Variants in ATP8A2 observed in about 807,000 individuals in gnomAD.
ATP8A2 encodes the protein phospholipid-transporting ATPase IB.
A neutral mutation model predicts 165.6 loss-of-function variants in ATP8A2; 100 were observed. The ratio of observed to expected loss-of-function variants is 0.60; its 90% CI spans 0.51 to 0.71. The LOEUF is 0.71. Among genes scored for constraint, ATP8A2 ranks in the 30% least tolerant of loss-of-function variants. The probability of loss-of-function intolerance (pLI) is 0.00; values close to 1 mark genes in which losing one functional copy is unlikely to be tolerated. For missense variants in ATP8A2, 1,227 were observed against 1,479.5 expected (o/e 0.83, Z 2.80); for synonymous variants, 543 against 548.8 (o/e 0.99, Z 0.15).
chr13:25,638,101 A>G (rs2041418638), intron 24 of ATP8A2, among the ~76,000 whole-genome samples: 1 of 152,228 alleles, frequency 6.6e-6, no homozygotes. Context: ...CCAAAACCCC[A>G]TCTGTATGTC....
At chr13:25,775,890 C>CA (rs1229770048) in intron 27 of ATP8A2, among the ~76,000 whole-genome samples, 1 of 152,146 alleles carries the variant, frequency 6.6e-6, no homozygotes, top group African/African-American at 2.4e-5. Flanking sequence ...CTATTAATAA[C>CA]AAGTGCCTTG....
chr13:25,819,113 A>G (rs1257623304), intron 27 of ATP8A2, among the ~76,000 whole-genome samples: 2 of 152,212 alleles, frequency 1.3e-5, no homozygotes, highest in African/African-American at 4.8e-5. Flanking sequence ...TTGCACTCAT[A>G]CAAATGTATG....
Position 26,023,105 on chromosome 13 carries a change from T to C in ATP8A2, c.*3120T>C, listed in dbSNP as rs1257929935. 1.3e-5 allele frequency: 2 copies of C among 152,194 alleles called. No individual in the cohort carries two copies. The highest frequency in any genetic ancestry group is 2.9e-5 in the Non-Finnish European group (2 of 68,044). The allele number at this position is 152,194 out of a possible 1,614,324, so 9.4% of individuals were successfully genotyped here. On this transcript the variant is annotated 3_prime_UTR_variant, in exon 37 of 37. Transcript: ENST00000381655. ...AGAGCAGAGTAGTCTGGATGAATAC[T>C]CTGTGCTGATCAGAACGGGCTCGGT...
chr13:25,756,514 T>C (rs1290675741), intron 25 of ATP8A2, among the ~76,000 whole-genome samples: 1 of 152,096 alleles, frequency 6.6e-6, no homozygotes, highest in African/African-American at 2.4e-5. Context: ...ATGTGTGTTT[T>C]GAAGAAATCA....
chr13:25,592,261 C>G, intron 24 of ATP8A2, among the ~76,000 whole-genome samples: 1 of 150,372 alleles, frequency 6.7e-6, no homozygotes, highest in East Asian at 1.9e-4. Context: ...CCTTTAGTCC[C>G]TTAGACTGTA....
intron 24 of ATP8A2, among the ~76,000 whole-genome samples, chr13:25,633,919 C>T (rs142295829): frequency 5.3e-5 from 8 of 150,686 alleles, no homozygotes; most frequent in East Asian, 2.0e-4. Context: ...GAGGCTGCAG[C>T]GAGGCAAGAT....
At chr13:25,824,071 A>G (rs2138582130) in intron 27 of ATP8A2, among the ~76,000 whole-genome samples, 1 of 152,212 alleles carries the variant, frequency 6.6e-6, no homozygotes, top group East Asian at 1.9e-4. Flanking sequence ...CCCAGGTTCA[A>G]GTGATTCTCC....
At chr13:25,694,929 C>G (rs1032854314) in intron 24 of ATP8A2, among the ~76,000 whole-genome samples, 3 of 152,160 alleles carry the variant, frequency 2.0e-5, no homozygotes, top group African/African-American at 7.2e-5. Flanking sequence ...GTGATCCTCC[C>G]TCTTTGGCAA....
At chr13:25,738,006 A>G (rs1329264915) in intron 25 of ATP8A2, among the ~76,000 whole-genome samples, 1 of 152,198 alleles carries the variant, frequency 6.6e-6, no homozygotes, top group Non-Finnish European at 1.5e-5. Context: ...TCAGTTACAG[A>G]GATCAGACAA....
chr13:25,970,823 G>A (rs1384584073), intron 35 of ATP8A2, among the ~76,000 whole-genome samples: 1 of 151,724 alleles, frequency 6.6e-6, no homozygotes, highest in Non-Finnish European at 1.5e-5. Context: ...GCCCATTTTT[G>A]CTTGTTGTTG....
chr13:25,618,700 T>C (rs1359847260), intron 24 of ATP8A2, among the ~76,000 whole-genome samples: 25 of 120,362 alleles, frequency 2.1e-4, no homozygotes, highest in Admixed American at 3.5e-4. Context: ...TTTTTTTTTT[T>C]CCCAGCAAGA....
At chr13:25,468,792 G>T (rs1490131973) in intron 1 of ATP8A2, 185 bp from the exon 2 acceptor site, 2 of 978,654 alleles carry the variant, frequency 2.0e-6, no homozygotes, top group East Asian at 1.1e-4. Context: ...GGGCGGGGCC[G>T]GCCTTGGCTG....
chr13:25,774,198 A>G (rs1180046132), intron 26 of ATP8A2, among the ~76,000 whole-genome samples: 3 of 152,214 alleles, frequency 2.0e-5, no homozygotes, highest in Admixed American at 6.5e-5. Flanking sequence ...AGAAAATGCA[A>G]TACACATACA....
chr13:25,838,357 C>G (rs1350841027), intron 29 of ATP8A2, among the ~76,000 whole-genome samples: 1 of 152,124 alleles, frequency 6.6e-6, no homozygotes, highest in African/African-American at 2.4e-5. Context: ...TTGGTTCTAC[C>G]GTCTCCCACA....
At chr13:25,495,569 C>G (rs2036650376) in intron 2 of ATP8A2, among the ~76,000 whole-genome samples, 1 of 151,670 alleles carries the variant, frequency 6.6e-6, no homozygotes, top group South Asian at 2.1e-4. Context: ...AAGCCCTCCT[C>G]CTGCTTCAGC....
chr13:25,437,285 A>G (rs1213583934), intron 1 of ATP8A2, among the ~76,000 whole-genome samples: 1 of 152,214 alleles, frequency 6.6e-6, no homozygotes, highest in East Asian at 1.9e-4. Flanking sequence ...TCTTAGCACC[A>G]GAGCTTTCAA....
At chr13:25,565,143 C>T (rs1194714526) in intron 16 of ATP8A2, among the ~76,000 whole-genome samples, 1 of 152,088 alleles carries the variant, frequency 6.6e-6, no homozygotes, top group East Asian at 1.9e-4. Context: ...TTTATCCACT[C>T]ATTGATTGAT....
intron 10 of ATP8A2, among the ~76,000 whole-genome samples, chr13:25,546,123 T>G (rs1339556209): frequency 6.6e-6 from 1 of 152,230 alleles, no homozygotes; most frequent in Non-Finnish European, 1.5e-5. Flanking sequence ...ATTGGTAATA[T>G]AGCTTTTGCT....
At chr13:25,779,089 A>G (rs1416708739) in intron 27 of ATP8A2, among the ~76,000 whole-genome samples, 1 of 151,110 alleles carries the variant, frequency 6.6e-6, no homozygotes, top group Non-Finnish European at 1.5e-5. Context: ...AGACTTTGTT[A>G]TCTATATTGT....
Sources: allele counts gnomAD v4.1 joint callset (sites outside exome capture counted in the v4.1 genomes callset), GRCh38; gene constraint gnomAD v4.1.1; transcripts MANE v1.5; gene names NCBI Gene and HGNC (gene_info 2026-07-23, HGNC 2026-07-21).